Variants in GRIK2 observed in about 807,000 individuals in gnomAD.
GRIK2 encodes glutamate ionotropic receptor kainate type subunit 2, also known as glutamate receptor ionotropic, kainate 2.
GRIK2 carries 32 observed loss-of-function variants against 100.3 expected under a neutral mutation model. The ratio of observed to expected loss-of-function variants is 0.32; its 90% confidence interval spans 0.24 to 0.43. The LOEUF is 0.43. Ranked by LOEUF, GRIK2 falls within the 20% of genes least tolerant of loss-of-function variation. The pLI, the probability that GRIK2 is intolerant of heterozygous loss-of-function variation, is 1.00. For synonymous variants in GRIK2, 417 were observed against 389.4 expected (o/e 1.07, Z -0.83); for missense variants, 843 against 1,114.9 (o/e 0.76, Z 3.47).
intron 4 of GRIK2, among the ~76,000 whole-genome samples, chr6:101,632,844 C>T (rs577435320): frequency 1.3e-5 from 2 of 152,092 alleles, no homozygotes; most frequent in South Asian, 4.1e-4. Flanking sequence ...AGCATCATGA[C>T]ATCTCAGGAG....
In GRIK2 at chr6:101,486,847, C is replaced by A. The variant is rs1337425110; in HGVS notation, c.115+87455C>A. 1.0e-4 allele frequency among the ~76,000 whole-genome samples: 15 copies of A among 146,706 alleles called. 1 individual carries two copies. The highest frequency in any genetic ancestry group is 8.1e-4 in the Admixed American group (12 of 14,736). ...CAGTAACGAAGTATATGAAATAGCA[C>A]CAAGTCCTGACAAGAATGTAGTTAT... On this transcript the variant is annotated intron_variant, in intron 2 of 16. Coordinates refer to ENST00000369134, the MANE Select transcript of GRIK2 (RefSeq NM_021956.5).
At chr6:101,451,660 T>G (rs1770689872) in intron 2 of GRIK2, among the ~76,000 whole-genome samples, 1 of 141,196 alleles carries the variant, frequency 7.1e-6, no homozygotes, top group Admixed American at 7.2e-5. Flanking sequence ...CTGAACAAAT[T>G]ACTAACTTTT....
intron 2 of GRIK2, among the ~76,000 whole-genome samples, chr6:101,613,878 T>C (rs1456734382): frequency 3.3e-5 from 5 of 151,776 alleles, no homozygotes; most frequent in African/African-American, 1.2e-4. Flanking sequence ...TGAAATGTTT[T>C]CAAATTCTGG....
intron 14 of GRIK2, among the ~76,000 whole-genome samples, chr6:102,025,907 T>C (rs1291479313): frequency 1.3e-5 from 2 of 150,618 alleles, no homozygotes; most frequent in Non-Finnish European, 3.0e-5. Flanking sequence ...ACTAAAACTT[T>C]TGTGCCTCTA....
At chr6:101,719,150 T>G (rs1012176722) in intron 7 of GRIK2, among the ~76,000 whole-genome samples, 2 of 13,910 alleles carry the variant, frequency 1.4e-4, no homozygotes, top group Non-Finnish European at 4.6e-4. Context: ...TTTTTTTTTT[T>G]TTTTTTTTTT....
At chr6:101,733,170 G>C (rs1490786826) in intron 7 of GRIK2, among the ~76,000 whole-genome samples, 1 of 152,036 alleles carries the variant, frequency 6.6e-6, no homozygotes, top group Non-Finnish European at 1.5e-5. Context: ...GTATTAACTT[G>C]TTCCAGCAGC....
chr6:101,805,510 G>A (rs939188840), intron 9 of GRIK2, among the ~76,000 whole-genome samples: 3 of 151,928 alleles, frequency 2.0e-5, no homozygotes, highest in African/African-American at 7.2e-5. Context: ...TAAAGTGCTA[G>A]GTTTATCCCT....
chr6:101,905,603 A>T (rs568583696), intron 12 of GRIK2, among the ~76,000 whole-genome samples: 1 of 151,666 alleles, frequency 6.6e-6, no homozygotes, highest in African/African-American at 2.4e-5. Context: ...ATATAAATTC[A>T]TATTCCATCC....
intron 2 of GRIK2, among the ~76,000 whole-genome samples, chr6:101,450,798 G>A (rs531982617): frequency 9.0e-4 from 137 of 151,938 alleles, no homozygotes; most frequent in Admixed American, 2.4e-3. Flanking sequence ...GAAAAAGGTA[G>A]GAGAGAGGAA....
At chr6:101,806,497 C>T (rs1161264651) in intron 9 of GRIK2, among the ~76,000 whole-genome samples, 1 of 151,902 alleles carries the variant, frequency 6.6e-6, no homozygotes, top group African/African-American at 2.4e-5. Context: ...AGGAAATTGA[C>T]CCCTGTCATC....
intron 16 of GRIK2, among the ~76,000 whole-genome samples, chr6:102,062,584 CT>C (rs985434819): frequency 6.1e-4 from 91 of 150,382 alleles, no homozygotes; most frequent in African/African-American, 2.0e-3. Flanking sequence ...AATAATAAAA[CT>C]TTTTTTTAAA....
At chr6:101,567,616 C>A (rs1463397031) in intron 2 of GRIK2, among the ~76,000 whole-genome samples, 1 of 151,934 alleles carries the variant, frequency 6.6e-6, no homozygotes, top group African/African-American at 2.4e-5. Context: ...TATAATGCTG[C>A]CAGCTTCAGA....
intron 2 of GRIK2, among the ~76,000 whole-genome samples, chr6:101,563,264 T>G (rs1378247172): frequency 6.6e-6 from 1 of 152,190 alleles, no homozygotes; most frequent in Non-Finnish European, 1.5e-5. Flanking sequence ...ATTAAGTATC[T>G]TATAATGATA....
At chr6:101,984,014 TA>T (rs2128490186) in intron 14 of GRIK2, among the ~76,000 whole-genome samples, 1 of 151,824 alleles carries the variant, frequency 6.6e-6, no homozygotes, top group African/African-American at 2.4e-5. Context: ...AAAAGCAAAC[TA>T]AGTAATTTCA....
At chr6:101,467,313 A>G (rs1232285361) in intron 2 of GRIK2, among the ~76,000 whole-genome samples, 1 of 152,210 alleles carries the variant, frequency 6.6e-6, no homozygotes, top group African/African-American at 2.4e-5. Flanking sequence ...ATTTAATTAT[A>G]CAGTAGTAGG....
chr6:101,782,781 A>G (rs892574582), intron 7 of GRIK2, among the ~76,000 whole-genome samples: 4 of 151,286 alleles, frequency 2.6e-5, no homozygotes, highest in Admixed American at 6.6e-5. Context: ...AGTGAGCACC[A>G]TGCTATTTTC....
In GRIK2 at chr6:101,977,669, A is replaced by C. The variant is rs1388235146; in HGVS notation, c.2085+49037A>C. Among the ~76,000 whole-genome samples, 3 of 151,946 alleles carry C rather than the reference A, an allele frequency of 2.0e-5. No individual in the cohort carries two copies. In the East Asian group the frequency reaches 5.8e-4, roughly 30 times the overall value. ...GCCATTGTGGACCCCAAGGTGCTGG[A>C]GGCTGTCGGCCAACTCTGCTTCCAC... On this transcript the variant is annotated intron_variant, in intron 14 of 16. Transcript: ENST00000369134.
At chr6:101,932,878 A>G (rs2128473108) in intron 14 of GRIK2, among the ~76,000 whole-genome samples, 1 of 152,088 alleles carries the variant, frequency 6.6e-6, no homozygotes, top group East Asian at 1.9e-4. Flanking sequence ...TTGAGAGCCC[A>G]AGTTTCTACA....
intron 7 of GRIK2, among the ~76,000 whole-genome samples, chr6:101,709,676 C>T (rs72956321): frequency 0.049 from 7,402 of 151,822 alleles, 254 homozygotes; most frequent in Non-Finnish European, 0.074. Flanking sequence ...AAAGAATCTT[C>T]CATTAAAGAA....
Sources: gnomAD v4.1 joint callset for allele counts (sites outside exome capture counted in the v4.1 genomes callset) on GRCh38, gnomAD v4.1.1 for gene constraint, MANE v1.5 for transcripts, NCBI Gene and HGNC (gene_info 2026-07-23, HGNC 2026-07-21) for gene names.